Variants in SRGAP2 observed in about 807,000 individuals in gnomAD.
SRGAP2 encodes SLIT-ROBO Rho GTPase activating protein 2.
In SRGAP2, 15 loss-of-function variants were observed where a neutral mutation model predicts 57.2. That is an observed-to-expected ratio of 0.26 (90% CI 0.18 to 0.40). The LOEUF (loss-of-function observed/expected upper bound fraction) is 0.40, where lower values mean the gene tolerates loss of function less well. SRGAP2 is among the 10% of genes least tolerant of loss of function. The pLI is 1.00. For missense variants in SRGAP2, 520 were observed against 669.6 expected (o/e 0.78, Z 2.47); for synonymous variants, 249 against 248.0 (o/e 1.00, Z -0.04).
intron 2 of SRGAP2, among the ~76,000 whole-genome samples, chr1:206,253,259 T>C (rs1175136794): frequency 6.6e-6 from 1 of 151,464 alleles, no homozygotes; most frequent in African/African-American, 2.4e-5. Context: ...TAATGAGATC[T>C]TTTTTTAGCT....
chr1:206,214,317 A>G (rs1277177534), intron 2 of SRGAP2, among the ~76,000 whole-genome samples: 5 of 152,018 alleles, frequency 3.3e-5, no homozygotes, highest in South Asian at 2.1e-4. Flanking sequence ...AATACTTTAT[A>G]TAGATTATTC....
intron 4 of SRGAP2, among the ~76,000 whole-genome samples, chr1:206,372,913 T>TTC (rs1169127955): frequency 1.6e-4 from 1 of 6,226 alleles, no homozygotes; most frequent in African/African-American, 2.4e-3. Context: ...CTTTCTTTCT[T>TTC]TCTTTCTTTC....
At chr1:206,331,637 C>CT (rs1258776922) in intron 3 of SRGAP2, among the ~76,000 whole-genome samples, 2 of 129,016 alleles carry the variant, frequency 1.6e-5, no homozygotes, top group African/African-American at 6.3e-5. Context: ...CAACCCCTGC[C>CT]TTTTTTTGTT....
At chr1:206,290,708 A>G (rs1266749662) in intron 2 of SRGAP2, among the ~76,000 whole-genome samples, 1 of 152,030 alleles carries the variant, frequency 6.6e-6, no homozygotes, top group Non-Finnish European at 1.5e-5. Context: ...TGTACCAGGA[A>G]TTATTCTAAT....
rs782604038 is a variant in SRGAP2 at position 206,446,292 on chromosome 1, G to T, written c.2092G>T (p.Asp698Tyr). The T allele has an allele frequency of 2.6e-6, 2 of 780,806 alleles. No homozygotes were observed. The highest frequency in any genetic ancestry group is 4.8e-6 in the Non-Finnish European group (2 of 417,974). The allele number at this position is 780,806 out of a possible 1,614,324, so 48.4% of individuals were successfully genotyped here. Residue 698 changes from aspartate to tyrosine, a missense_variant, in exon 18 of 23, where the codon GAT (aspartate) becomes TAT (tyrosine). Asp to Tyr is a radical substitution (Grantham distance 160). Transcript: ENST00000573034. ...CTACAGCAGAGGAGGAAGCATGGAG[G>T]ATTACTGGTAGGGGGGCTTGGGACG... is the stretch of plus-strand genomic sequence containing the variant. ...PVYSRGGSME[D>Y]YCDSPHGETT...
At chr1:206,349,440 A>G (rs1168166305) in intron 4 of SRGAP2, among the ~76,000 whole-genome samples, 1 of 150,256 alleles carries the variant, frequency 6.7e-6, no homozygotes, top group Non-Finnish European at 1.5e-5. Context: ...AAATAAAAGC[A>G]TATGTCTAAA....
intron 2 of SRGAP2, among the ~76,000 whole-genome samples, chr1:206,208,807 A>G (rs1378146548): frequency 6.6e-6 from 1 of 151,954 alleles, no homozygotes; most frequent in Non-Finnish European, 1.5e-5. Context: ...TGTAACAGCT[A>G]TGCAGTTTGG....
intron 3 of SRGAP2, among the ~76,000 whole-genome samples, chr1:206,310,439 C>A (rs540728256): frequency 6.6e-6 from 1 of 152,218 alleles, no homozygotes; most frequent in African/African-American, 2.4e-5. Context: ...TATCCCTCAC[C>A]TGATATATTT....
chr1:206,453,710 A>C, intron 20 of SRGAP2: 2 of 254,392 alleles, frequency 7.9e-6, no homozygotes, highest in Non-Finnish European at 7.4e-6. Flanking sequence ...TTGACCACCT[A>C]TATTTCTTTT....
chr1:206,377,206 T>C (rs1438815196), intron 4 of SRGAP2, among the ~76,000 whole-genome samples: 4 of 151,980 alleles, frequency 2.6e-5, no homozygotes, highest in Non-Finnish European at 5.9e-5. Flanking sequence ...TATTGGGCCT[T>C]AGACTAGTCA....
At chr1:206,350,060 CAT>C (rs1190638849) in intron 4 of SRGAP2, among the ~76,000 whole-genome samples, 3 of 152,156 alleles carry the variant, frequency 2.0e-5, no homozygotes, top group Non-Finnish European at 4.4e-5. Flanking sequence ...AGTGGAAAAA[CAT>C]ATTGTAGTGT....
At chr1:206,446,680 G>A (rs77886926) in intron 18 of SRGAP2, among the ~76,000 whole-genome samples, 1 of 152,308 alleles carries the variant, frequency 6.6e-6, no homozygotes, top group African/African-American at 2.4e-5. Context: ...ACCATCCTGG[G>A]TCCCAGGGAA....
At chr1:206,240,787 C>A (rs1257080486) in intron 2 of SRGAP2, among the ~76,000 whole-genome samples, 3 of 152,168 alleles carry the variant, frequency 2.0e-5, no homozygotes, top group Non-Finnish European at 2.9e-5. Flanking sequence ...GATCCAGGAT[C>A]CCAAAGTCTG....
At chr1:206,341,344 C>T (rs532023575) in intron 3 of SRGAP2, among the ~76,000 whole-genome samples, 76 of 152,314 alleles carry the variant, frequency 5.0e-4, no homozygotes, top group African/African-American at 1.8e-3. Context: ...TTATTATTTG[C>T]AGTGAATGAC....
chr1:206,251,095 AAGG>A (rs2102585531), intron 2 of SRGAP2, among the ~76,000 whole-genome samples: 1 of 141,230 alleles, frequency 7.1e-6, no homozygotes, highest in African/African-American at 2.6e-5. Flanking sequence ...ATCATATGTC[AAGG>A]AGGTGTCATA....
At chr1:206,237,331 C>G (rs1489635945) in intron 2 of SRGAP2, among the ~76,000 whole-genome samples, 2 of 152,234 alleles carry the variant, frequency 1.3e-5, no homozygotes, top group Admixed American at 6.5e-5. Flanking sequence ...ATTCACAAAT[C>G]TTTTTATGTG....
chr1:206,247,029 G>A (rs1490139967), intron 2 of SRGAP2, among the ~76,000 whole-genome samples: 1 of 143,618 alleles, frequency 7.0e-6, no homozygotes, highest in Admixed American at 7.0e-5. Flanking sequence ...GAGCAGAACC[G>A]TGGGAGGGAG....
chr1:206,311,977 G>A (rs1292036784), intron 3 of SRGAP2, among the ~76,000 whole-genome samples: 11 of 151,906 alleles, frequency 7.2e-5, no homozygotes, highest in African/African-American at 2.7e-4. Flanking sequence ...TGGTTTCCTG[G>A]GTCTCTGGAG....
At chr1:206,411,399 C>T (rs556842903) in intron 10 of SRGAP2, among the ~76,000 whole-genome samples, 2 of 152,356 alleles carry the variant, frequency 1.3e-5, no homozygotes, top group Middle Eastern at 3.4e-3. Context: ...CTTGCAGGCC[C>T]TTGGTAAACG....
Sources: gnomAD v4.1 joint callset for allele counts (sites outside exome capture counted in the v4.1 genomes callset) on GRCh38, gnomAD v4.1.1 for gene constraint, MANE v1.5 for transcripts, NCBI Gene and HGNC (gene_info 2026-07-23, HGNC 2026-07-21) for gene names.